Variants in VPS13D observed in about 807,000 individuals in gnomAD.
The protein encoded by VPS13D is vacuolar protein sorting 13 homolog D, also known as intermembrane lipid transfer protein VPS13D.
A neutral mutation model predicts 461.9 loss-of-function variants in VPS13D; 187 were observed. The observed-to-expected ratio is 0.40, with a 90% CI of 0.36 to 0.46. The LOEUF (loss-of-function observed/expected upper bound fraction) is 0.46, where lower values mean the gene tolerates loss of function less well. Among genes scored for constraint, VPS13D ranks in the 20% least tolerant of loss-of-function variants. The pLI, the probability that VPS13D is intolerant of heterozygous loss-of-function variation, is 0.60. For missense variants in VPS13D, 4,711 were observed against 5,364.9 expected (o/e 0.88, Z 3.81); for synonymous variants, 1,951 against 1,986.3 (o/e 0.98, Z 0.47).
intron 13 of VPS13D, 74 bp from the exon 14 acceptor site, chr1:12,266,807 G>C: frequency 8.0e-7 from 1 of 1,257,760 alleles, no homozygotes; most frequent in Non-Finnish European, 1.1e-6. Flanking sequence ...CTGTAAAATA[G>C]AATATCTAAT....
At chr1:12,504,857 G>A (rs1646083764) in intron 68 of VPS13D, among the ~76,000 whole-genome samples, 1 of 152,186 alleles carries the variant, frequency 6.6e-6, no homozygotes, top group Non-Finnish European at 1.5e-5. Context: ...TCTGGCCTGG[G>A]TGTGAGAGCA....
At chr1:12,354,893 A>G (rs1643872955) in intron 47 of VPS13D, among the ~76,000 whole-genome samples, 1 of 152,246 alleles carries the variant, frequency 6.6e-6, no homozygotes, top group Non-Finnish European at 1.5e-5. Context: ...GTTAAAAGGA[A>G]AAGTTCAGCC....
At position 12,278,050 on chromosome 1, in the gene VPS13D, C is replaced by T; in HGVS notation, c.4450+12C>T. 1 of 1,596,812 alleles carries T rather than the reference C, an allele frequency of 6.3e-7. No individual in the cohort carries two copies. Among genetic ancestry groups the T allele is most frequent in the South Asian group, 1.1e-5 (1 of 88,420 alleles). On this transcript the variant is annotated intron_variant, in intron 19 of 69. Coordinates refer to ENST00000620676, the MANE Select transcript of VPS13D (RefSeq NM_015378.4). ...GCATAGAGGTCAAGGTGAGGAGCAT[C>T]AGTCTTTTGTTCTATTTTGTTTAAT...
chr1:12,446,648 A>G (rs1246348308), intron 65 of VPS13D, among the ~76,000 whole-genome samples: 1 of 152,154 alleles, frequency 6.6e-6, no homozygotes, highest in African/African-American at 2.4e-5. Flanking sequence ...CCAGAGCAGT[A>G]GCTTCTTTTG....
intron 55 of VPS13D, among the ~76,000 whole-genome samples, chr1:12,376,935 T>C (rs559008737): frequency 6.6e-6 from 1 of 152,192 alleles, no homozygotes; most frequent in South Asian, 2.1e-4. Flanking sequence ...GGACCTACCA[T>C]CTAACTAGTT....
intron 67 of VPS13D, among the ~76,000 whole-genome samples, chr1:12,464,610 A>C (rs907660849): frequency 1.7e-4 from 26 of 151,978 alleles, no homozygotes; most frequent in African/African-American, 5.8e-4. Flanking sequence ...AAATACTTCC[A>C]AGTTCCTCTC....
rs1045565887 is a variant in VPS13D at position 12,456,463 on chromosome 1, C to A, written c.12466+333C>A. ...GACCAGTCTGGCCAACATGGTGGAA[C>A]CCCATCTCTATCAAAAATACGAAAA... On this transcript the variant is annotated intron_variant, in intron 66 of 69. Coordinates refer to ENST00000620676, the MANE Select transcript of VPS13D (RefSeq NM_015378.4). Among the ~76,000 whole-genome samples, 5 of 151,968 alleles carry A rather than the reference C, an allele frequency of 3.3e-5. No individual in the cohort carries two copies. In the South Asian group the frequency reaches 1.0e-3, roughly 32 times the overall value.
At chr1:12,438,743 G>T (rs556314026) in intron 65 of VPS13D, among the ~76,000 whole-genome samples, 1 of 152,314 alleles carries the variant, frequency 6.6e-6, no homozygotes, top group South Asian at 2.1e-4. Context: ...GCACGTTAGA[G>T]CTGGCTGCCT....
At position 12,369,711 on chromosome 1, in the gene VPS13D, T is replaced by C. The variant is rs764203954; in HGVS notation, c.10808+9T>C. ...ACATATACATTCTCTGGGTAATTCT[T>C]GATTAAATTACTGTTCCTATAAAGC... On this transcript the variant is annotated intron_variant, in intron 54 of 69. Coordinates refer to ENST00000620676, the MANE Select transcript of VPS13D (RefSeq NM_015378.4). 3 of 1,609,908 alleles carry C rather than the reference T, an allele frequency of 1.9e-6. No homozygotes were observed. The highest frequency in any genetic ancestry group is 2.5e-6 in the Non-Finnish European group (3 of 1,176,742).
rs1019061780 is a variant in VPS13D, at chr1:12,329,776, C to G, written c.8198-53C>G. ...TTTCTTTAATGTCATCAGCAAAAGG[C>G]AGTTTTGGTTGCTCCTGCCCTGCCG... On this transcript the variant is annotated intron_variant, in intron 36 of 69. Coordinates refer to ENST00000620676, the MANE Select transcript of VPS13D (RefSeq NM_015378.4). 19 of 1,394,280 alleles carry G rather than the reference C, an allele frequency of 1.4e-5. No individual in the cohort carries two copies. In the East Asian group the frequency reaches 4.3e-4, roughly 32 times the overall value. The allele number at this position is 1,394,280 out of a possible 1,614,324, so 86.4% of individuals were successfully genotyped here.
intron 65 of VPS13D, chr1:12,453,890 C>G (rs531665295): frequency 6.6e-6 from 1 of 152,290 alleles, no homozygotes; most frequent in Non-Finnish European, 1.5e-5. Context: ...GAGTCCAACA[C>G]TCTAATTTTG....
intron 46 of VPS13D, 93 bp downstream of exon 46, chr1:12,349,467 A>G (rs1334455632): frequency 2.5e-6 from 3 of 1,194,706 alleles, no homozygotes; most frequent in African/African-American, 1.5e-5. Context: ...ACCCTTAGAG[A>G]TTCAGTTATC....
chr1:12,287,164 T>A (rs980200567), intron 21 of VPS13D, among the ~76,000 whole-genome samples: 1 of 152,146 alleles, frequency 6.6e-6, no homozygotes, highest in Non-Finnish European at 1.5e-5. Flanking sequence ...TCCAGCTGAC[T>A]AGAGGTTTTT....
intron 21 of VPS13D, 22 bp from the exon 22 acceptor site, chr1:12,288,201 G>A: frequency 1.9e-6 from 3 of 1,596,570 alleles, no homozygotes; most frequent in Non-Finnish European, 2.6e-6. Flanking sequence ...TATTGGCCTT[G>A]CTTTATCTTG....
chr1:12,401,329 T>A (rs1644577146), intron 61 of VPS13D, among the ~76,000 whole-genome samples: 1 of 152,144 alleles, frequency 6.6e-6, no homozygotes, highest in Non-Finnish European at 1.5e-5. Context: ...ACCATAAAGT[T>A]CATCCACCAC....
At chr1:12,392,566 AAAGC>A (rs1644442415) in intron 60 of VPS13D, among the ~76,000 whole-genome samples, 1 of 147,418 alleles carries the variant, frequency 6.8e-6, no homozygotes, top group Non-Finnish European at 1.5e-5. Flanking sequence ...AAAAAAAAAG[AAAGC>A]ACACAGTTCA....
Position 12,283,100 on chromosome 1 carries a change from T to C in VPS13D, c.4998T>C (p.Ile1666=). 6.2e-7 allele frequency: 1 copy of C among 1,614,190 alleles called. No individual in the cohort carries two copies. ...ATCCCCAGACTTTATCTATTCAGAT[T>C]GCCCTGCATTCTCTGCTGATGGAGG... ...KDHPQTLSIQ[I]ALHSLLMEDL... Residue 1666 remains isoleucine, a synonymous_variant, in exon 21 of 70, where the codon ATT becomes ATC. Transcript: ENST00000620676.
chr1:12,471,947 G>C (rs1205089150), intron 67 of VPS13D, among the ~76,000 whole-genome samples: 1 of 151,454 alleles, frequency 6.6e-6, no homozygotes, highest in African/African-American at 2.4e-5. Flanking sequence ...TGTTCCTATT[G>C]CTAATTTATC....
intron 1 of VPS13D, 39 bp from the exon 2 acceptor site, chr1:12,234,152 C>T: frequency 1.3e-6 from 1 of 751,446 alleles, no homozygotes; most frequent in Non-Finnish European, 2.2e-6. Flanking sequence ...AGAAAATCAT[C>T]CTGTTTTTAT....
Sources: gnomAD v4.1 joint callset for allele counts (sites outside exome capture counted in the v4.1 genomes callset) on GRCh38, gnomAD v4.1.1 for gene constraint, MANE v1.5 for transcripts, NCBI Gene and HGNC (gene_info 2026-07-23, HGNC 2026-07-21) for gene names.